The following C10orf143 variants were observed in gnomAD, a reference collection of about 807,000 sequenced individuals.
C10orf143 encodes chromosome 10 open reading frame 143, also known as uncharacterized protein C10orf143.
At chr10:130,107,804 C>T in intron 1 of C10orf143, 1 of 1,249,562 alleles carries the variant, frequency 8.0e-7, no homozygotes, top group Non-Finnish European at 1.2e-6. Context: ...TCACAGGTCT[C>T]CTTCTGACAC....
intron 3 of C10orf143, among the ~76,000 whole-genome samples, chr10:130,052,503 G>A (rs568016703): frequency 6.6e-6 from 1 of 152,292 alleles, no homozygotes; most frequent in South Asian, 2.1e-4. Flanking sequence ...CACGTGAGGT[G>A]CAAGCTGGGT....
intron 3 of C10orf143, among the ~76,000 whole-genome samples, chr10:130,044,070 A>G (rs796530612): frequency 1.4e-4 from 21 of 152,074 alleles, no homozygotes; most frequent in African/African-American, 5.1e-4. Flanking sequence ...ATGGTAAAGA[A>G]GGAGAAGACT....
At chr10:130,067,165 T>C (rs112800206) in intron 3 of C10orf143, 3,936 of 152,282 alleles carry the variant, frequency 0.026, 77 homozygotes, top group Non-Finnish European at 0.037. Context: ...CTTTCATCTC[T>C]CACTGCAACG....
downstream of C10orf143, among the ~76,000 whole-genome samples, chr10:130,061,491 A>C (rs1256054309): frequency 6.6e-6 from 1 of 152,222 alleles, no homozygotes; most frequent in Non-Finnish European, 1.5e-5. Flanking sequence ...ACCATTACAA[A>C]CTTACTTTGT....
intron 3 of C10orf143, among the ~76,000 whole-genome samples, chr10:130,043,996 G>GGA (rs139473238): frequency 0.032 from 4,793 of 149,424 alleles, 92 homozygotes; most frequent in Middle Eastern, 0.072. Context: ...ACCATGGCAG[G>GGA]GAGAGAGAGA....
At chr10:130,062,003 G>T (rs544935113), downstream of C10orf143, among the ~76,000 whole-genome samples, 1 of 152,120 alleles carries the variant, frequency 6.6e-6, no homozygotes, top group Non-Finnish European at 1.5e-5. Context: ...GGTGGAGGGC[G>T]GCTGCCAGGG....
chr10:130,044,471 C>G (rs1402018504), intron 3 of C10orf143, among the ~76,000 whole-genome samples: 1 of 152,180 alleles, frequency 6.6e-6, no homozygotes, highest in Non-Finnish European at 1.5e-5. Flanking sequence ...AGGCTCTGCT[C>G]CAGCCAGGGC....
At chr10:130,055,347 A>G (rs563775123) in intron 3 of C10orf143, among the ~76,000 whole-genome samples, 16 of 152,236 alleles carry the variant, frequency 1.1e-4, no homozygotes, top group Admixed American at 5.2e-4. Flanking sequence ...ATATTTGCAA[A>G]CCACATATCT....
intron 3 of C10orf143, among the ~76,000 whole-genome samples, chr10:130,074,324 G>A (rs1047676980): frequency 6.6e-6 from 1 of 152,130 alleles, no homozygotes; most frequent in Admixed American, 6.5e-5. Context: ...CAAACCTGGG[G>A]GTAGAAATGC....
At position 130,056,084 on chromosome 10, in the gene C10orf143, C is replaced by T. The variant is rs1055918910; in HGVS notation, c.298-20114G>A. 5.4e-5 allele frequency among the ~76,000 whole-genome samples: 8 copies of T among 148,866 alleles called. No individual in the cohort carries two copies. Among genetic ancestry groups the T allele is most frequent in the African/African-American group, 2.0e-4 (8 of 40,676 alleles). ...ATTGTTAACTTTTTAAATAACTTTACTCTTTTTAATAATGGTCACTGAATA... is the reference window on the plus strand; with the variant it reads ...ATTGTTAACTTTTTAAATAACTTTATTCTTTTTAATAATGGTCACTGAATA... On this transcript the variant is annotated intron_variant and NMD_transcript_variant, in intron 3 of 5. Coordinates refer to the C10orf143 transcript ENST00000643056. This position sits in a 1 kb window ranked among gnomAD's most constrained non-coding sequence, Gnocchi z 4.6.
chr10:130,106,486 T>C (rs1298757378), intron 1 of C10orf143: 1 of 1,602,204 alleles, frequency 6.2e-7, no homozygotes, highest in Non-Finnish European at 8.5e-7. Flanking sequence ...AAATTCTCTG[T>C]CTAGAAAAAG....
rs1245467949 is a variant in C10orf143, at chr10:130,064,100, C to T, written c.*254G>A. ...GATCTCCCTCTCAACCAGGAACATTCGAAAGGAGGCTGTAGTACGTAGTAA... is the reference window on the plus strand; with the variant it reads ...GATCTCCCTCTCAACCAGGAACATTTGAAAGGAGGCTGTAGTACGTAGTAA... On this transcript the variant is annotated 3_prime_UTR_variant, in exon 4 of 4. Coordinates refer to ENST00000637128, the MANE Select transcript of C10orf143 (RefSeq NM_001355042.2). The T allele has an allele frequency of 2.3e-5, 8 of 353,400 alleles. No homozygotes were observed. Among genetic ancestry groups the T allele is most frequent in the South Asian group, 1.5e-4 (1 of 6,644 alleles). The allele number at this position is 353,400 out of a possible 1,614,324, so 21.9% of individuals were successfully genotyped here.
chr10:130,057,925 A>G (rs1016395746), intron 3 of C10orf143, among the ~76,000 whole-genome samples: 3 of 152,244 alleles, frequency 2.0e-5, no homozygotes, highest in African/African-American at 7.2e-5. Context: ...CCAGGCCCTC[A>G]GACGTCATGA....
intron 1 of C10orf143, among the ~76,000 whole-genome samples, chr10:130,093,354 C>A (rs1042703215): frequency 2.0e-5 from 3 of 152,148 alleles, no homozygotes; most frequent in African/African-American, 7.2e-5. Flanking sequence ...TAAATAAGTT[C>A]TTTGAAATCA....
At chr10:130,106,143 A>C in intron 1 of C10orf143, 2 of 764,878 alleles carry the variant, frequency 2.6e-6, no homozygotes, top group Non-Finnish European at 4.5e-6. Context: ...ATGAGACTGG[A>C]TTCGAATCCT....
rs747009802 is a variant in C10orf143 at position 130,064,007 on chromosome 10, T to TA, written c.*346dup. The TA allele has an allele frequency of 5.6e-4, 118 of 211,798 alleles. No individual in the cohort carries two copies. The highest frequency in any genetic ancestry group is 4.7e-3 in the Middle Eastern group (3 of 644). 13.1% of individuals were successfully genotyped at this position (211,798 alleles called of 1,614,324 possible). A position where few individuals can be genotyped will look rare whatever the true frequency, so the allele number is the denominator to read the frequency against. On this transcript the variant is annotated 3_prime_UTR_variant, in exon 4 of 4. Transcript: ENST00000637128. Reference sequence around the variant, plus strand: ...GGGGCTGCGTCTGGGTGGGCCTCCATAGGCCATGAGTGCCCAAGCTCATAG... The same window carrying TA: ...GGGGCTGCGTCTGGGTGGGCCTCCATAAGGCCATGAGTGCCCAAGCTCATAG...
At chr10:130,086,735 T>C (rs1463069504) in intron 1 of C10orf143, among the ~76,000 whole-genome samples, 1 of 152,266 alleles carries the variant, frequency 6.6e-6, no homozygotes, top group Non-Finnish European at 1.5e-5. Context: ...GCAATAATAT[T>C]ATTTCCCTTC....
intron 3 of C10orf143, among the ~76,000 whole-genome samples, chr10:130,045,480 G>T (rs1215236399): frequency 2.0e-5 from 3 of 152,206 alleles, no homozygotes; most frequent in Non-Finnish European, 4.4e-5. Context: ...TGGCAGCAAC[G>T]CCCCGCCCCG....
intron 3 of C10orf143, among the ~76,000 whole-genome samples, chr10:130,039,337 A>C (rs1038747186): frequency 5.9e-5 from 9 of 152,114 alleles, no homozygotes; most frequent in African/African-American, 1.9e-4. Context: ...GGTGCTTTCC[A>C]GTCCAAGCCC....
Sources: allele counts gnomAD v4.1 joint callset (sites outside exome capture counted in the v4.1 genomes callset), GRCh38; gene constraint gnomAD v4.1.1; non-coding constraint Gnocchi (gnomAD v3.1); transcripts MANE v1.5; gene names NCBI Gene and HGNC (gene_info 2026-07-23, HGNC 2026-07-21).